The following RAB6A variants were observed in gnomAD, a reference collection of about 807,000 sequenced individuals.
The protein encoded by RAB6A is RAB6A, member RAS oncogene family.
Under a neutral mutation model 32.3 loss-of-function variants are expected in RAB6A, and 8 were observed. The ratio of observed to expected loss-of-function variants is 0.25; its 90% confidence interval spans 0.15 to 0.45. The LOEUF (loss-of-function observed/expected upper bound fraction) is 0.45. Ranked by LOEUF, RAB6A falls within the 20% of genes least tolerant of loss-of-function variation. The probability of loss-of-function intolerance (pLI) is 1.00; values close to 1 mark genes in which losing one functional copy is unlikely to be tolerated. For missense variants in RAB6A, 104 were observed against 249.4 expected (o/e 0.42, Z 3.93); for synonymous variants, 73 against 82.1 (o/e 0.89, Z 0.60).
chr11:73,728,383 C>G (rs1275453570), intron 2 of RAB6A, among the ~76,000 whole-genome samples: 1 of 151,964 alleles, frequency 6.6e-6, no homozygotes, highest in African/African-American at 2.4e-5. Flanking sequence ...TTGTCAAATG[C>G]TTTTTATGTG....
At chr11:73,741,123 C>T (rs1022214114) in intron 1 of RAB6A, among the ~76,000 whole-genome samples, 2 of 151,906 alleles carry the variant, frequency 1.3e-5, no homozygotes, top group African/African-American at 4.8e-5. Flanking sequence ...ATTTACCTGA[C>T]AAAACAAAAT....
chr11:73,694,773 GGAGGCCAAGGTGGGCAGATCACTT>G (rs1289391038), intron 6 of RAB6A, among the ~76,000 whole-genome samples: 1 of 152,184 alleles, frequency 6.6e-6, no homozygotes, highest in Non-Finnish European at 1.5e-5. Context: ...CAGCACTCTG[GGAGGCCAAGGTGGGCAGATCACTT>G]GAGGCCTGGA....
intron 2 of RAB6A, among the ~76,000 whole-genome samples, chr11:73,725,582 C>G (rs190228987): frequency 2.0e-4 from 30 of 152,122 alleles, no homozygotes; most frequent in African/African-American, 6.7e-4. Flanking sequence ...CAGAAGCAAG[C>G]GAAAAGGGTT....
At chr11:73,726,826 G>A (rs1219585321) in intron 2 of RAB6A, among the ~76,000 whole-genome samples, 1 of 151,654 alleles carries the variant, frequency 6.6e-6, no homozygotes, top group African/African-American at 2.4e-5. Flanking sequence ...AGGAATTAAT[G>A]GGTTGAAGGT....
intron 1 of RAB6A, among the ~76,000 whole-genome samples, chr11:73,758,139 T>TCTG (rs1946789362): frequency 6.6e-6 from 1 of 151,698 alleles, no homozygotes; most frequent in Non-Finnish European, 1.5e-5. Flanking sequence ...TCTACAGACT[T>TCTG]CTAACGCATA....
At chr11:73,751,550 G>A (rs1946668624) in intron 1 of RAB6A, among the ~76,000 whole-genome samples, 1 of 151,904 alleles carries the variant, frequency 6.6e-6, no homozygotes, top group African/African-American at 2.4e-5. Context: ...AGAAGGAAGG[G>A]ATGAAAGTCT....
intron 6 of RAB6A, among the ~76,000 whole-genome samples, chr11:73,697,614 T>C (rs1945674706): frequency 1.3e-5 from 2 of 152,142 alleles, no homozygotes; most frequent in Admixed American, 1.3e-4. Context: ...CCCAAAACAC[T>C]GGGATTACAG....
intron 6 of RAB6A, among the ~76,000 whole-genome samples, chr11:73,683,876 T>C (rs1420300386): frequency 6.6e-6 from 1 of 152,068 alleles, no homozygotes; most frequent in African/African-American, 2.4e-5. Context: ...TTGAAAGAAG[T>C]TCTACTATGG....
chr11:73,707,148 G>T (rs11602887), intron 6 of RAB6A, among the ~76,000 whole-genome samples: 67,745 of 144,472 alleles, frequency 0.47, 16,712 homozygotes, highest in East Asian at 0.58. Context: ...AAAAAGAAAA[G>T]AAAATTTACC....
At chr11:73,691,804 TACAC>T (rs1945568825) in intron 6 of RAB6A, among the ~76,000 whole-genome samples, 7 of 151,784 alleles carry the variant, frequency 4.6e-5, no homozygotes, top group Admixed American at 4.6e-4. Flanking sequence ...CTACTAAAAA[TACAC>T]ACGCACACAA....
At chr11:73,704,587 C>T (rs1426096037) in intron 6 of RAB6A, among the ~76,000 whole-genome samples, 2 of 147,002 alleles carry the variant, frequency 1.4e-5, no homozygotes, top group East Asian at 2.0e-4. Flanking sequence ...CGGGAGGCTG[C>T]GGCAGGAGAA....
intron 1 of RAB6A, among the ~76,000 whole-genome samples, chr11:73,731,687 TATA>T (rs1565369892): frequency 9.7e-4 from 4 of 4,106 alleles, no homozygotes; most frequent in African/African-American, 2.5e-3. Context: ...ATAGATATTA[TATA>T]TATATATATA....
At chr11:73,701,327 C>T (rs1275704485) in intron 6 of RAB6A, among the ~76,000 whole-genome samples, 1 of 152,122 alleles carries the variant, frequency 6.6e-6, no homozygotes, top group East Asian at 1.9e-4. Context: ...AGAAAACACA[C>T]AACGGTAATA....
chr11:73,706,842 C>T (rs1354077161), intron 6 of RAB6A, among the ~76,000 whole-genome samples: 4 of 151,954 alleles, frequency 2.6e-5, no homozygotes, highest in Non-Finnish European at 4.4e-5. Context: ...ATTTACCGGC[C>T]GGGCATGGTG....
At chr11:73,722,182 G>A (rs1946142662) in intron 2 of RAB6A, among the ~76,000 whole-genome samples, 1 of 149,342 alleles carries the variant, frequency 6.7e-6, no homozygotes, top group African/African-American at 2.4e-5. Context: ...TAATACATGT[G>A]TCTCCTTTAA....
chr11:73,677,899 T>C lies in RAB6A; in HGVS notation c.626A>G (p.Ter209=). 1.2e-6 allele frequency: 2 copies of C among 1,614,182 alleles called. No homozygotes were observed. The highest frequency in any genetic ancestry group is 1.7e-5 in the Admixed American group (1 of 60,016). Residue 209 remains the stop codon, a stop_retained_variant, in exon 8 of 8, where the codon TAA becomes TGA. Coordinates refer to ENST00000336083, the MANE Select transcript of RAB6A (RefSeq NM_198896.2). ...QPVSEGGCSC[*] is the part of the protein sequence containing the mutation. ...GAAGGTTGAAGATGACATGGGAGAT[T>C]AGCAGGAACAGCCTCCTTCACTGAC...
At chr11:73,700,334 C>T (rs1945720426) in intron 6 of RAB6A, among the ~76,000 whole-genome samples, 1 of 152,148 alleles carries the variant, frequency 6.6e-6, no homozygotes, top group Admixed American at 6.6e-5. Flanking sequence ...GGCACCATGG[C>T]TCACACCTGT....
intron 5 of RAB6A, among the ~76,000 whole-genome samples, chr11:73,710,755 T>A (rs1315946952): frequency 1.1e-4 from 16 of 146,740 alleles, no homozygotes; most frequent in African/African-American, 3.7e-4. Context: ...AAAAGTTAAT[T>A]TTTTTTTTTT....
chr11:73,694,930 C>T (rs1308976698), intron 6 of RAB6A, among the ~76,000 whole-genome samples: 1 of 152,114 alleles, frequency 6.6e-6, no homozygotes, highest in Non-Finnish European at 1.5e-5. Context: ...GCACGAGAAT[C>T]GCTTGAACCC....
Sources: allele counts gnomAD v4.1 joint callset (sites outside exome capture counted in the v4.1 genomes callset), GRCh38; gene constraint gnomAD v4.1.1; transcripts MANE v1.5; gene names NCBI Gene and HGNC (gene_info 2026-07-23, HGNC 2026-07-21).